CLSTN2: variants seen among roughly 807,000 people sequenced by gnomAD.
The protein encoded by CLSTN2 is calsyntenin 2.
In CLSTN2, 48 loss-of-function variants were observed where a neutral mutation model predicts 101.2. The observed-to-expected ratio is 0.47, with a 90% CI of 0.38 to 0.60. The LOEUF (loss-of-function observed/expected upper bound fraction) is 0.60. Ranked by LOEUF, CLSTN2 falls within the 20% of genes least tolerant of loss-of-function variation. The pLI, the probability that CLSTN2 is intolerant of heterozygous loss-of-function variation, is 0.00. For missense variants in CLSTN2, 1,160 were observed against 1,238.2 expected (o/e 0.94, Z 0.95); for synonymous variants, 481 against 463.6 (o/e 1.04, Z -0.48).
Position 140,546,608 on chromosome 3 carries a change from T to G in CLSTN2, c.1601T>G (p.Val534Gly). 6.2e-7 allele frequency: 1 copy of G among 1,614,040 alleles called. No individual in the cohort carries two copies. Among genetic ancestry groups the G allele is most frequent in the South Asian group, 1.1e-5 (1 of 91,078 alleles). ...IRPGKMESQKVISCLQACKEG... is the reference protein window; with the variant it reads ...IRPGKMESQKGISCLQACKEG... ...CCTGGCAAAATGGAAAGCCAGAAGGTGATCTCCTGCCTGCAGGCCTGCAAG... is the reference window on the plus strand; with the variant it reads ...CCTGGCAAAATGGAAAGCCAGAAGGGGATCTCCTGCCTGCAGGCCTGCAAG... The change falls in exon 10 of 17, where the codon GTG becomes GGG. Residue 534 changes from valine (V) to glycine (G), a missense_variant. Coordinates refer to ENST00000458420, the MANE Select transcript of CLSTN2 (RefSeq NM_022131.3).
chr3:140,490,117 TACAC>T (rs71637079), intron 8 of CLSTN2, among the ~76,000 whole-genome samples: 75 of 1,958 alleles, frequency 0.038, 24 homozygotes, highest in Non-Finnish European at 0.079. Flanking sequence ...TATATATATA[TACAC>T]ACACACACAC....
intron 1 of CLSTN2, among the ~76,000 whole-genome samples, chr3:139,946,781 C>T (rs1402224043): frequency 2.0e-5 from 3 of 152,188 alleles, no homozygotes; most frequent in African/African-American, 4.8e-5. Flanking sequence ...TGTAGTGTGT[C>T]ACTAGGAGTG....
chr3:140,550,279 G>A, intron 10 of CLSTN2, among the ~76,000 whole-genome samples: 1 of 151,450 alleles, frequency 6.6e-6, no homozygotes, highest in Non-Finnish European at 1.5e-5. Context: ...TGGGGTTTAG[G>A]ATGCTCACTC....
rs149016933 is a variant in CLSTN2 at position 139,967,786 on chromosome 3, T to A, written c.109+32303T>A. Among the ~76,000 whole-genome samples the A allele has an allele frequency of 1.5e-3, 235 of 152,328 alleles. 1 individual carries two copies. The highest frequency in any genetic ancestry group is 5.5e-3 in the African/African-American group (229 of 41,570). On this transcript the variant is annotated intron_variant, in intron 1 of 16. Transcript: ENST00000458420. The stretch of plus-strand genomic sequence containing the variant: ...ATGTTTTGAAGTCATACCAAATAGC[T>A]ATTTAAAAATGATTAAACAGTTCCA...
At chr3:140,133,329 G>A (rs887175167) in intron 1 of CLSTN2, among the ~76,000 whole-genome samples, 1 of 152,074 alleles carries the variant, frequency 6.6e-6, no homozygotes, top group Non-Finnish European at 1.5e-5. Flanking sequence ...CCAACATTGG[G>A]GATCACATTT....
chr3:140,291,973 C>T (rs2086958521), intron 2 of CLSTN2, among the ~76,000 whole-genome samples: 1 of 152,084 alleles, frequency 6.6e-6, no homozygotes, highest in South Asian at 2.1e-4. Flanking sequence ...CCCTACTCCA[C>T]CTCACCTTTC....
chr3:140,156,677 C>T (rs1479059765), intron 1 of CLSTN2, among the ~76,000 whole-genome samples: 1 of 152,184 alleles, frequency 6.6e-6, no homozygotes, highest in Non-Finnish European at 1.5e-5. Flanking sequence ...GGTGAGACTC[C>T]TCTGACAGTT....
intron 1 of CLSTN2, among the ~76,000 whole-genome samples, chr3:140,162,543 C>A (rs781109871): frequency 3.3e-5 from 5 of 152,090 alleles, no homozygotes; most frequent in Non-Finnish European, 7.4e-5. Flanking sequence ...AAAGCAAATT[C>A]TCTGATAGAC....
At position 140,383,280 on chromosome 3, in the gene CLSTN2, A is replaced by G. The variant is rs566667028; in HGVS notation, c.233-20349A>G. The stretch of plus-strand genomic sequence containing the variant: ...ATAAGGGGATGTCACCTTAAAGCAC[A>G]GAGATGTGGTCATATTTCTTTACCT... On this transcript the variant is annotated intron_variant, in intron 2 of 16. Coordinates refer to ENST00000458420, the MANE Select transcript of CLSTN2 (RefSeq NM_022131.3). Among the ~76,000 whole-genome samples the G allele has an allele frequency of 5.9e-5, 9 of 152,352 alleles. No individual in the cohort carries two copies. In the South Asian group the frequency reaches 1.7e-3, roughly 28 times the overall value.
intron 1 of CLSTN2, among the ~76,000 whole-genome samples, chr3:140,067,727 G>A (rs749031311): frequency 6.6e-6 from 1 of 152,206 alleles, no homozygotes; most frequent in Non-Finnish European, 1.5e-5. Flanking sequence ...ATTTTAGGAA[G>A]GGATGTTTCC....
chr3:140,414,851 A>G (rs895767549), intron 4 of CLSTN2, among the ~76,000 whole-genome samples: 1 of 152,138 alleles, frequency 6.6e-6, no homozygotes, highest in South Asian at 2.1e-4. Flanking sequence ...TAGAAGCACA[A>G]AAGACCTCAA....
chr3:140,306,945 T>C (rs2087120004), intron 2 of CLSTN2, among the ~76,000 whole-genome samples: 1 of 151,884 alleles, frequency 6.6e-6, no homozygotes, highest in Admixed American at 6.6e-5. Context: ...CCCACCCAAA[T>C]CTCATCTTGA....
At chr3:140,475,543 G>A (rs1460577268) in intron 8 of CLSTN2, among the ~76,000 whole-genome samples, 1 of 152,192 alleles carries the variant, frequency 6.6e-6, no homozygotes, top group African/African-American at 2.4e-5. Context: ...TCAGTGAAGA[G>A]AGCTACAGGG....
chr3:139,966,783 G>C (rs1292288736), intron 1 of CLSTN2, among the ~76,000 whole-genome samples: 1 of 152,216 alleles, frequency 6.6e-6, no homozygotes, highest in Non-Finnish European at 1.5e-5. Flanking sequence ...AAGGTGCTGA[G>C]TCAGGCCTAT....
At chr3:140,063,267 A>AC (rs148743800) in intron 1 of CLSTN2, among the ~76,000 whole-genome samples, 7,336 of 152,100 alleles carry the variant, frequency 0.048, 440 homozygotes, top group African/African-American at 0.14. Context: ...AAATTTTAGT[A>AC]CCCCCTGAAT....
intron 1 of CLSTN2, among the ~76,000 whole-genome samples, chr3:140,140,473 A>G (rs2107808787): frequency 6.6e-6 from 1 of 152,250 alleles, no homozygotes. Flanking sequence ...TAACAGTGAG[A>G]ACTCACTTGT....
intron 2 of CLSTN2, among the ~76,000 whole-genome samples, chr3:140,324,898 A>G (rs2087317112): frequency 6.6e-6 from 1 of 152,234 alleles, no homozygotes; most frequent in Non-Finnish European, 1.5e-5. Context: ...TGACCACAGA[A>G]ATGTGGGTTA....
chr3:140,226,847 A>G (rs1485069236), intron 2 of CLSTN2, among the ~76,000 whole-genome samples: 1 of 152,154 alleles, frequency 6.6e-6, no homozygotes, highest in Non-Finnish European at 1.5e-5. Flanking sequence ...GTTTGTGCAA[A>G]AAAAAACTCC....
intron 5 of CLSTN2, among the ~76,000 whole-genome samples, chr3:140,441,632 C>A (rs1559870698): frequency 6.6e-6 from 1 of 152,218 alleles, no homozygotes; most frequent in Admixed American, 6.5e-5. Context: ...AGCCTCTGCA[C>A]TCTACTGTCT....
Sources: allele counts gnomAD v4.1 joint callset (sites outside exome capture counted in the v4.1 genomes callset), GRCh38; gene constraint gnomAD v4.1.1; transcripts MANE v1.5; gene names NCBI Gene and HGNC (gene_info 2026-07-23, HGNC 2026-07-21).